Variants in C2orf76 observed in about 807,000 individuals in gnomAD.
The protein encoded by C2orf76 is UPF0538 protein C2orf76.
A neutral mutation model predicts 16.9 loss-of-function variants in C2orf76; 23 were observed. The ratio of observed to expected loss-of-function variants is 1.36; its 90% confidence interval spans 0.98 to 1.93. The LOEUF (loss-of-function observed/expected upper bound fraction) is 1.93, where lower values mean the gene tolerates loss of function less well. Ranked by LOEUF, C2orf76 falls within the 30% of genes most tolerant of loss-of-function variation. The pLI, the probability that C2orf76 is intolerant of heterozygous loss-of-function variation, is 0.00. For synonymous variants in C2orf76, 48 were observed against 52.3 expected, an observed-to-expected ratio of 0.92 and a Z score of 0.35; for missense variants, 152 against 152.6, an observed-to-expected ratio of 1.00 and a Z score of 0.02.
chr2:119,305,066 G>A (rs1433347207), intron 5 of C2orf76, among the ~76,000 whole-genome samples: 1 of 152,222 alleles, frequency 6.6e-6, no homozygotes, highest in African/African-American at 2.4e-5. Flanking sequence ...GTCAGGTGCA[G>A]AGTGCCTTGG....
At chr2:119,340,213 A>G in intron 1 of C2orf76, 1 of 392,266 alleles carries the variant, frequency 2.5e-6, no homozygotes, top group Non-Finnish European at 4.7e-6. Context: ...TCTGACCAGC[A>G]GAAAACTGAC....
chr2:119,294,292 C>T, the C2orf76 span, among the ~76,000 whole-genome samples: 1 of 152,166 alleles, frequency 6.6e-6, no homozygotes, highest in South Asian at 2.1e-4. Flanking sequence ...GCAACAGGAA[C>T]CTTTGGTGAC....
intron 1 of C2orf76, among the ~76,000 whole-genome samples, chr2:119,358,941 C>G (rs1277291630): frequency 6.6e-6 from 1 of 152,130 alleles, no homozygotes; most frequent in East Asian, 1.9e-4. Flanking sequence ...GACAAAACAG[C>G]CTTATATTGG....
At chr2:119,292,569 C>T in the C2orf76 span, among the ~76,000 whole-genome samples, 75 of 152,282 alleles carry the variant, frequency 4.9e-4, 1 homozygote, top group African/African-American at 1.6e-3. Context: ...CACATATGCA[C>T]ACAGGACTGC....
chr2:119,293,024 G>T, the C2orf76 span, among the ~76,000 whole-genome samples: 1 of 152,286 alleles, frequency 6.6e-6, no homozygotes. Context: ...GACACAATGA[G>T]ACTCTGTCTC....
intron 2 of C2orf76, among the ~76,000 whole-genome samples, chr2:119,323,569 C>A (rs1031760905): frequency 2.0e-5 from 3 of 152,052 alleles, no homozygotes; most frequent in African/African-American, 7.2e-5. Context: ...TCAGGATCAC[C>A]CAGCCTGGCA....
At position 119,365,657 on chromosome 2, in the gene C2orf76, C is replaced by T. The variant is rs114137075; in HGVS notation, c.-13+1133G>A. On this transcript the variant is annotated intron_variant, in intron 1 of 5. Coordinates refer to ENST00000334816, the MANE Select transcript of C2orf76 (RefSeq NM_001322331.2). ...ATGACTTTGCTTTTTTAATGATCTC[C>T]AGAGAATTTTCCATCATTTCCCTCT... Among the ~76,000 whole-genome samples the T allele has an allele frequency of 2.8e-3, 426 of 152,236 alleles. 2 individuals carry two copies. The highest frequency in any genetic ancestry group is 9.7e-3 in the African/African-American group (404 of 41,532).
At chr2:119,299,106 C>T (rs754108919), downstream of C2orf76, among the ~76,000 whole-genome samples, 4 of 151,564 alleles carry the variant, frequency 2.6e-5, no homozygotes, top group East Asian at 1.9e-4. Flanking sequence ...CTTGTAGAGA[C>T]GGGGTTTCAT....
At chr2:119,352,669 T>A (rs1160955609) in intron 1 of C2orf76, among the ~76,000 whole-genome samples, 1 of 152,236 alleles carries the variant, frequency 6.6e-6, no homozygotes, top group African/African-American at 2.4e-5. Context: ...TAGAGCTCTC[T>A]GAACCTTTAC....
intron 3 of C2orf76, among the ~76,000 whole-genome samples, 195 bp downstream of exon 3, chr2:119,320,959 A>G (rs1573636918): frequency 6.6e-6 from 1 of 152,144 alleles, no homozygotes; most frequent in Non-Finnish European, 1.5e-5. Context: ...CAAACATGCT[A>G]CTCTTTGCAA....
intron 1 of C2orf76, among the ~76,000 whole-genome samples, chr2:119,346,902 G>C (rs1235626784): frequency 6.6e-6 from 1 of 152,182 alleles, no homozygotes; most frequent in East Asian, 1.9e-4. Flanking sequence ...CTCAAGCAAG[G>C]TGTTGCCAAT....
intron 2 of C2orf76, among the ~76,000 whole-genome samples, chr2:119,325,687 T>C (rs1679489073): frequency 6.6e-6 from 1 of 152,186 alleles, no homozygotes; most frequent in South Asian, 2.1e-4. Context: ...ACTAGTGGTA[T>C]ATGAGAGTTC....
chr2:119,295,808 A>G, the C2orf76 span, among the ~76,000 whole-genome samples: 1 of 152,152 alleles, frequency 6.6e-6, no homozygotes, highest in Admixed American at 6.5e-5. Flanking sequence ...TGGCCTACGA[A>G]TGACATTATT....
chr2:119,363,843 T>C (rs1680831151), intron 1 of C2orf76, among the ~76,000 whole-genome samples: 1 of 151,808 alleles, frequency 6.6e-6, no homozygotes, highest in South Asian at 2.1e-4. Flanking sequence ...CCAGGCAACA[T>C]GGCAAAAACC....
intron 1 of C2orf76, among the ~76,000 whole-genome samples, chr2:119,358,728 G>A (rs2104648441): frequency 6.6e-6 from 1 of 152,236 alleles, no homozygotes; most frequent in South Asian, 2.1e-4. Flanking sequence ...TTCTATGAAG[G>A]CTAAGAGAGG....
At chr2:119,333,903 A>C (rs1322104319) in intron 2 of C2orf76, among the ~76,000 whole-genome samples, 2 of 152,222 alleles carry the variant, frequency 1.3e-5, no homozygotes, top group Non-Finnish European at 2.9e-5. Flanking sequence ...ATGACCTGTC[A>C]CAAAATGACA....
At chr2:119,318,749 C>T (rs1298316846) in intron 3 of C2orf76, among the ~76,000 whole-genome samples, 1 of 152,084 alleles carries the variant, frequency 6.6e-6, no homozygotes, top group Non-Finnish European at 1.5e-5. Flanking sequence ...AGGTCTCGAA[C>T]TCCTGACCTC....
the C2orf76 span, among the ~76,000 whole-genome samples, chr2:119,291,740 G>T: frequency 6.6e-6 from 1 of 152,048 alleles, no homozygotes; most frequent in Non-Finnish European, 1.5e-5. Context: ...ACTCATGGGG[G>T]ACAACCTCCT....
chr2:119,367,081 G>A (rs1442499185), upstream of C2orf76: 2 of 1,613,668 alleles, frequency 1.2e-6, no homozygotes, highest in Non-Finnish European at 1.7e-6. Flanking sequence ...TGCACAGCCA[G>A]GCTGCGAAGG....
Sources: gnomAD v4.1 joint callset for allele counts (sites outside exome capture counted in the v4.1 genomes callset) on GRCh38, gnomAD v4.1.1 for gene constraint, MANE v1.5 for transcripts, NCBI Gene and HGNC (gene_info 2026-07-23, HGNC 2026-07-21) for gene names.